LINC00237: variants seen among roughly 807,000 people sequenced by gnomAD.
The protein encoded by LINC00237 is long intergenic non-protein coding RNA 237.
At chr20:21,092,946 C>T (rs977981926) in intron 2 of LINC00237, 2 of 152,202 alleles carry the variant, frequency 1.3e-5, no homozygotes, top group African/African-American at 4.8e-5. Context: ...CCCACCTTTA[C>T]AGATGGGGAA....
intron 1 of LINC00237, among the ~76,000 whole-genome samples, chr20:21,105,500 G>A (rs1600316242): frequency 6.6e-6 from 1 of 152,310 alleles, no homozygotes; most frequent in Admixed American, 6.5e-5. Context: ...AAAAGCAACC[G>A]CCTACCTGGG....
intron 1 of LINC00237, among the ~76,000 whole-genome samples, chr20:21,104,373 C>G (rs1294673883): frequency 6.6e-6 from 1 of 152,224 alleles, no homozygotes; most frequent in African/African-American, 2.4e-5. Flanking sequence ...CGAGGTGGAG[C>G]GTCAGCAGTA....
intron 3 of LINC00237, among the ~76,000 whole-genome samples, chr20:21,086,893 CTATA>C (rs1325584746): frequency 7.6e-6 from 1 of 131,092 alleles, no homozygotes; most frequent in Non-Finnish European, 1.6e-5. Context: ...TATATATGTA[CTATA>C]TATAGTACAT....
chr20:21,096,666 G>T (rs1282023582), intron 1 of LINC00237, among the ~76,000 whole-genome samples: 1 of 152,148 alleles, frequency 6.6e-6, no homozygotes, highest in Non-Finnish European at 1.5e-5. Flanking sequence ...CCCTCACTTG[G>T]ATTCCAGCCA....
chr20:21,104,782 A>G (rs968402461), intron 1 of LINC00237, among the ~76,000 whole-genome samples: 2 of 152,188 alleles, frequency 1.3e-5, no homozygotes, highest in African/African-American at 4.8e-5. Context: ...CTAGCTAGGC[A>G]GGTTTTGTTT....
At chr20:21,104,627 C>T (rs1232117465) in intron 1 of LINC00237, among the ~76,000 whole-genome samples, 1 of 152,178 alleles carries the variant, frequency 6.6e-6, no homozygotes, top group Non-Finnish European at 1.5e-5. Flanking sequence ...CCCCACCCTC[C>T]AACCCCTGAC....
chr20:21,096,262 G>A (rs1265181447), intron 1 of LINC00237, among the ~76,000 whole-genome samples: 3 of 152,216 alleles, frequency 2.0e-5, no homozygotes, highest in African/African-American at 7.2e-5. Flanking sequence ...AGCAGTCCAG[G>A]ATGGGAGGGC....
chr20:21,101,123 A>G lies in LINC00237; in HGVS notation n.88+5148T>C, dbSNP rs1415919171. Among the ~76,000 whole-genome samples, 2 of 152,146 alleles carry G rather than the reference A, an allele frequency of 1.3e-5. No individual in the cohort carries two copies. Among genetic ancestry groups the G allele is most frequent in the Non-Finnish European group, 2.9e-5 (2 of 68,030 alleles). ...AGCAAAACTCCGCGGTTCAACAGCT[A>G]AAGAGCAATTTGATGGGGCTGGGAT... On this transcript the variant is annotated intron_variant and non_coding_transcript_variant, in intron 1 of 3. Coordinates refer to ENST00000691244, the Ensembl canonical transcript of LINC00237. The surrounding 1 kb of genome is among the most constrained non-coding windows in gnomAD (Gnocchi z 4.3).
chr20:21,097,871 A>G (rs1021269261), intron 1 of LINC00237, among the ~76,000 whole-genome samples: 2 of 152,216 alleles, frequency 1.3e-5, no homozygotes, highest in Admixed American at 6.5e-5. Flanking sequence ...ATCAACTTTA[A>G]TGGTATCCAG....
intron 1 of LINC00237, among the ~76,000 whole-genome samples, chr20:21,098,062 CA>C (rs1344451009): frequency 2.0e-5 from 3 of 152,088 alleles, no homozygotes; most frequent in Middle Eastern, 3.2e-3. Flanking sequence ...AGATAAATAT[CA>C]AGCATAAATG....
chr20:21,088,440 T>C (rs2030744258), intron 2 of LINC00237, among the ~76,000 whole-genome samples: 1 of 152,202 alleles, frequency 6.6e-6, no homozygotes, highest in Admixed American at 6.5e-5. Context: ...GCTATACTAT[T>C]ACTACAGAAG....
At chr20:21,096,261 G>A (rs576262256) in intron 1 of LINC00237, among the ~76,000 whole-genome samples, 1 of 152,314 alleles carries the variant, frequency 6.6e-6, no homozygotes, top group South Asian at 2.1e-4. Flanking sequence ...AAGCAGTCCA[G>A]GATGGGAGGG....
Position 21,102,463 on chromosome 20 carries a change from G to A in LINC00237, n.88+3808C>T, listed in dbSNP as rs565049907. On this transcript the variant is annotated intron_variant and non_coding_transcript_variant, in intron 1 of 3. Transcript: ENST00000691244. ...CAAAGTCTCAGACTAACTCGCTCCA[G>A]GTCACAGGACCCACTAAGAGGGCCT... 2.5e-3 allele frequency among the ~76,000 whole-genome samples: 384 copies of A among 152,312 alleles called. 1 individual carries two copies. The highest frequency in any genetic ancestry group is 3.5e-3 in the Non-Finnish European group (241 of 68,030).
intron 1 of LINC00237, among the ~76,000 whole-genome samples, chr20:21,103,798 C>A (rs2030963417): frequency 6.6e-6 from 1 of 152,172 alleles, no homozygotes; most frequent in African/African-American, 2.4e-5. Context: ...AACAATGCCA[C>A]CCCACGCGTC....
intron 1 of LINC00237, among the ~76,000 whole-genome samples, chr20:21,094,371 C>T (rs1017864450): frequency 6.6e-6 from 1 of 152,064 alleles, no homozygotes; most frequent in African/African-American, 2.4e-5. Context: ...ATTTTCTGCC[C>T]TTGAAGAGCC....
intron 2 of LINC00237, among the ~76,000 whole-genome samples, chr20:21,092,536 T>C (rs895986763): frequency 6.6e-6 from 1 of 152,204 alleles, no homozygotes; most frequent in Admixed American, 6.5e-5. Flanking sequence ...TATAACCAGA[T>C]CATCTGTTAT....
intron 1 of LINC00237, among the ~76,000 whole-genome samples, chr20:21,105,277 C>CA (rs1472744118): frequency 6.6e-6 from 1 of 152,096 alleles, no homozygotes; most frequent in Non-Finnish European, 1.5e-5. Flanking sequence ...GAACAACCCC[C>CA]CCGTCCCCCG....
chr20:21,086,212 A>G (rs2030690549), intron 3 of LINC00237, among the ~76,000 whole-genome samples: 1 of 152,220 alleles, frequency 6.6e-6, no homozygotes, highest in South Asian at 2.1e-4. Context: ...ATTTGAAAAG[A>G]TAGTCTAGAA....
intron 1 of LINC00237, among the ~76,000 whole-genome samples, chr20:21,104,736 G>C (rs2030975758): frequency 1.3e-5 from 2 of 152,210 alleles, no homozygotes; most frequent in Non-Finnish European, 2.9e-5. Context: ...ATTTCAGGCT[G>C]AGCCTCCTAG....
Sources: allele counts gnomAD v4.1 joint callset (sites outside exome capture counted in the v4.1 genomes callset), GRCh38; gene constraint gnomAD v4.1.1; non-coding constraint Gnocchi (gnomAD v3.1); transcripts MANE v1.5; gene names NCBI Gene and HGNC (gene_info 2026-07-23, HGNC 2026-07-21).